Variants in PARD3 observed in about 807,000 individuals in gnomAD.
PARD3 encodes par-3 family cell polarity regulator.
PARD3 carries 75 observed loss-of-function variants against 155.4 expected under a neutral mutation model. The observed-to-expected ratio is 0.48, with a 90% CI of 0.40 to 0.58. The LOEUF is 0.58. Ranked by LOEUF, PARD3 falls within the 20% of genes least tolerant of loss-of-function variation. The probability of loss-of-function intolerance (pLI) is 0.00; values close to 1 mark genes in which losing one functional copy is unlikely to be tolerated. For synonymous variants in PARD3, 576 were observed against 610.5 expected (o/e 0.94, Z 0.83); for missense variants, 1,642 against 1,721.7 (o/e 0.95, Z 0.82).
At chr10:34,582,971 C>T (rs182644960) in intron 2 of PARD3, among the ~76,000 whole-genome samples, 3 of 152,274 alleles carry the variant, frequency 2.0e-5, no homozygotes, top group East Asian at 1.9e-4. Flanking sequence ...AATGATACTT[C>T]GGGGAGACAA....
chr10:34,612,883 G>A (rs1284782581), intron 2 of PARD3, among the ~76,000 whole-genome samples: 1 of 152,154 alleles, frequency 6.6e-6, no homozygotes, highest in Non-Finnish European at 1.5e-5. Context: ...AGGTGATAAA[G>A]TAAGTTGAAC....
intron 4 of PARD3, among the ~76,000 whole-genome samples, chr10:34,460,037 C>T (rs1266816642): frequency 1.3e-5 from 2 of 152,214 alleles, no homozygotes; most frequent in Non-Finnish European, 2.9e-5. Context: ...TAATCTTATC[C>T]TACATATTGT....
At chr10:34,346,553 A>G in intron 15 of PARD3, 1 of 1,233,492 alleles carries the variant, frequency 8.1e-7, no homozygotes, top group Non-Finnish European at 1.1e-6. Context: ...TCATCAACAA[A>G]AAAATAATTT....
chr10:34,778,149 A>G lies in PARD3; in HGVS notation c.120+36727T>C, dbSNP rs60443055. Among the ~76,000 whole-genome samples the G allele has an allele frequency of 5.8e-3, 877 of 152,332 alleles. 7 individuals carry two copies. Among genetic ancestry groups the G allele is most frequent in the African/African-American group, 0.02 (842 of 41,570 alleles). On this transcript the variant is annotated intron_variant, in intron 1 of 24. Transcript: ENST00000374788. Reference sequence around the variant, plus strand: ...TATAACCTCTTGTATACTCTAAATCAGCTCTAAATCACTTATAGTACCTAA... The same window carrying G: ...TATAACCTCTTGTATACTCTAAATCGGCTCTAAATCACTTATAGTACCTAA...
At chr10:34,285,711 C>A (rs1218897150) in intron 20 of PARD3, among the ~76,000 whole-genome samples, 1 of 151,940 alleles carries the variant, frequency 6.6e-6, no homozygotes, top group Non-Finnish European at 1.5e-5. Context: ...ATTTCCAATA[C>A]TTGTCTACAT....
At chr10:34,574,824 T>C (rs951092413) in intron 2 of PARD3, among the ~76,000 whole-genome samples, 7 of 152,134 alleles carry the variant, frequency 4.6e-5, no homozygotes, top group African/African-American at 1.4e-4. Flanking sequence ...ATAAGAAACA[T>C]TTTCAAAATT....
intron 22 of PARD3, among the ~76,000 whole-genome samples, chr10:34,193,747 T>C (rs1950816565): frequency 6.6e-6 from 1 of 152,228 alleles, no homozygotes; most frequent in Non-Finnish European, 1.5e-5. Context: ...TCACAATAAT[T>C]CCTGCCCATC....
intron 23 of PARD3, among the ~76,000 whole-genome samples, chr10:34,122,731 C>T (rs571432759): frequency 3.0e-4 from 45 of 152,258 alleles, no homozygotes; most frequent in African/African-American, 8.9e-4. Context: ...AAGTTCATCC[C>T]GGCAAGTTTG....
intron 2 of PARD3, among the ~76,000 whole-genome samples, chr10:34,588,655 C>T (rs372058687): frequency 4.7e-4 from 72 of 152,184 alleles, no homozygotes; most frequent in African/African-American, 1.7e-3. Flanking sequence ...TTGCTTGGGG[C>T]CACGCAATAA....
chr10:34,439,583 G>A (rs1564714687), intron 5 of PARD3, among the ~76,000 whole-genome samples: 1 of 149,788 alleles, frequency 6.7e-6, no homozygotes, highest in East Asian at 1.9e-4. Context: ...TCAGCCATCT[G>A]AGTAGTTGGG....
chr10:34,276,000 T>C (rs1715519939), intron 21 of PARD3, among the ~76,000 whole-genome samples: 1 of 152,106 alleles, frequency 6.6e-6, no homozygotes, highest in Admixed American at 6.6e-5. Flanking sequence ...AAGACATAAA[T>C]GTCTATTGCT....
rs1224841933 is a variant in PARD3 at position 34,479,455 on chromosome 10, C to T, written c.404-9192G>A. ...GGATTACTTTGGGGCGCGTGAGCCA[C>T]GGCACCCAGCCTTTAAATTTTTTTT... On this transcript the variant is annotated intron_variant, in intron 3 of 24. Transcript: ENST00000374788. Among the ~76,000 whole-genome samples, 7 of 152,248 alleles carry T rather than the reference C, an allele frequency of 4.6e-5. No homozygotes were observed. The East Asian group carries it at 7.7e-4, about 17-fold the overall frequency.
At chr10:34,668,652 A>G (rs2093548788) in intron 2 of PARD3, among the ~76,000 whole-genome samples, 1 of 152,190 alleles carries the variant, frequency 6.6e-6, no homozygotes, top group Non-Finnish European at 1.5e-5. Context: ...CTTATGGTAC[A>G]TATTTAATTT....
At chr10:34,735,655 G>T (rs1180976757) in intron 1 of PARD3, among the ~76,000 whole-genome samples, 2 of 152,092 alleles carry the variant, frequency 1.3e-5, no homozygotes, top group Non-Finnish European at 2.9e-5. Context: ...AGAAAATAAA[G>T]TAGATATATG....
chr10:34,638,007 C>T (rs1039615766), intron 2 of PARD3, among the ~76,000 whole-genome samples: 4 of 152,172 alleles, frequency 2.6e-5, no homozygotes, highest in African/African-American at 4.8e-5. Flanking sequence ...ACTGTGCACC[C>T]GCCATTCTTA....
intron 22 of PARD3, among the ~76,000 whole-genome samples, chr10:34,143,633 C>A (rs1192875618): frequency 6.6e-6 from 1 of 152,074 alleles, no homozygotes; most frequent in Non-Finnish European, 1.5e-5. Flanking sequence ...GTACTTAATT[C>A]CAAATCATGT....
chr10:34,769,481 T>G (rs978770686), intron 1 of PARD3, among the ~76,000 whole-genome samples: 4 of 152,106 alleles, frequency 2.6e-5, no homozygotes, highest in African/African-American at 9.7e-5. Flanking sequence ...AATTTTTTTT[T>G]TCTTTGTCTA....
chr10:34,592,858 C>T (rs955786002), intron 2 of PARD3, among the ~76,000 whole-genome samples: 5 of 152,236 alleles, frequency 3.3e-5, no homozygotes, highest in South Asian at 2.1e-4. Context: ...CAAGGTGACA[C>T]AAAAAAGGCA....
intron 4 of PARD3, among the ~76,000 whole-genome samples, chr10:34,460,752 G>C (rs1261155740): frequency 6.6e-6 from 1 of 152,086 alleles, no homozygotes; most frequent in African/African-American, 2.4e-5. Context: ...AGAATGGCAT[G>C]AACCTGGGAG....
Sources: allele counts gnomAD v4.1 joint callset (sites outside exome capture counted in the v4.1 genomes callset), GRCh38; gene constraint gnomAD v4.1.1; transcripts MANE v1.5; gene names NCBI Gene and HGNC (gene_info 2026-07-23, HGNC 2026-07-21).